Variants in FRAS1 observed in about 807,000 individuals in gnomAD.
FRAS1 encodes extracellular matrix organizing protein FRAS1.
Under a neutral mutation model 435.2 loss-of-function variants are expected in FRAS1, and 290 were observed. The ratio of observed to expected loss-of-function variants is 0.67; its 90% CI spans 0.61 to 0.73. FRAS1 has a LOEUF of 0.73. Ranked by LOEUF, FRAS1 falls within the 30% of genes least tolerant of loss-of-function variation. The pLI, the probability that FRAS1 is intolerant of heterozygous loss-of-function variation, is 0.00. For synonymous variants in FRAS1, 1,800 were observed against 1,851.0 expected, an observed-to-expected ratio of 0.97 and a Z score of 0.71; for missense variants, 4,860 against 5,001.5, an observed-to-expected ratio of 0.97 and a Z score of 0.85.
At chr4:78,384,957 T>C (rs1364071252) in intron 28 of FRAS1, among the ~76,000 whole-genome samples, 1 of 149,576 alleles carries the variant, frequency 6.7e-6, no homozygotes, top group Non-Finnish European at 1.5e-5. Context: ...GGTAAAGGAG[T>C]TTGTTTTATC....
At chr4:78,249,986 T>C (rs1041375455) in intron 4 of FRAS1, among the ~76,000 whole-genome samples, 2 of 152,154 alleles carry the variant, frequency 1.3e-5, no homozygotes, top group South Asian at 2.1e-4. Flanking sequence ...AGTTGTTCTA[T>C]ATAGTCTTTA....
chr4:78,408,659 T>C (rs2110354526), intron 31 of FRAS1, among the ~76,000 whole-genome samples: 1 of 152,332 alleles, frequency 6.6e-6, no homozygotes, highest in African/African-American at 2.4e-5. Context: ...TTCATTTTCC[T>C]TGTCTGTCAA....
intron 6 of FRAS1, among the ~76,000 whole-genome samples, chr4:78,262,013 A>G (rs1468944149): frequency 6.6e-6 from 1 of 152,182 alleles, no homozygotes; most frequent in African/African-American, 2.4e-5. Flanking sequence ...CACTGCTTGA[A>G]AGCTGCAAGG....
At chr4:78,248,313 T>C (rs973845350) in intron 4 of FRAS1, among the ~76,000 whole-genome samples, 5 of 152,234 alleles carry the variant, frequency 3.3e-5, no homozygotes, top group Non-Finnish European at 5.9e-5. Context: ...CAAATGCGTT[T>C]TAGAGTTGTT....
chr4:78,282,008 T>G (rs1296162094), intron 11 of FRAS1, among the ~76,000 whole-genome samples: 1 of 152,232 alleles, frequency 6.6e-6, no homozygotes, highest in East Asian at 1.9e-4. Flanking sequence ...TTTCTAACAC[T>G]TAATGTTCAT....
intron 2 of FRAS1, among the ~76,000 whole-genome samples, chr4:78,117,516 A>G (rs1009969148): frequency 4.6e-5 from 7 of 152,092 alleles, no homozygotes; most frequent in African/African-American, 4.8e-5. Flanking sequence ...TATTTCTTGG[A>G]GGCTTTGTTA....
At chr4:78,062,015 A>T (rs72654630) in intron 1 of FRAS1, among the ~76,000 whole-genome samples, 4,556 of 152,262 alleles carry the variant, frequency 0.03, 112 homozygotes, top group East Asian at 0.12. Context: ...TTCATCAATT[A>T]TATTTCCATT....
chr4:78,139,325 T>G (rs56187344), intron 2 of FRAS1, among the ~76,000 whole-genome samples: 15 of 107,294 alleles, frequency 1.4e-4, no homozygotes, highest in Admixed American at 5.1e-4. Flanking sequence ...TAGCAGACTA[T>G]TGATTGAGCA....
chr4:78,395,957 A>C (rs1732642356), intron 29 of FRAS1, among the ~76,000 whole-genome samples: 1 of 151,202 alleles, frequency 6.6e-6, no homozygotes, highest in African/African-American at 2.4e-5. Context: ...TGCCTTTGTG[A>C]TTTGATGATT....
At chr4:78,294,800 T>TTTGG (rs767858260) in intron 14 of FRAS1, among the ~76,000 whole-genome samples, 6 of 152,184 alleles carry the variant, frequency 3.9e-5, no homozygotes, top group Non-Finnish European at 8.8e-5. Flanking sequence ...CCCTCCATCA[T>TTTGG]TAGGAAAATT....
At chr4:78,214,208 A>G (rs921636887) in intron 2 of FRAS1, among the ~76,000 whole-genome samples, 3 of 152,160 alleles carry the variant, frequency 2.0e-5, no homozygotes, top group Non-Finnish European at 4.4e-5. Flanking sequence ...GTGTTCTATG[A>G]CTTGTTTAGG....
chr4:78,092,839 G>A (rs888204498), intron 2 of FRAS1, among the ~76,000 whole-genome samples: 1 of 152,198 alleles, frequency 6.6e-6, no homozygotes, highest in Admixed American at 6.5e-5. Flanking sequence ...GGTATTTGAA[G>A]ACTTCAGAGT....
At chr4:78,301,135 T>C (rs1300583371) in intron 14 of FRAS1, among the ~76,000 whole-genome samples, 1 of 152,146 alleles carries the variant, frequency 6.6e-6, no homozygotes, top group African/African-American at 2.4e-5. Context: ...ATTACTAAGG[T>C]AGGGTTACCA....
In FRAS1 at chr4:78,543,534, T is replaced by C. The variant is rs1048837619; in HGVS notation, c.*2410T>C. 3 of 152,172 alleles carry C rather than the reference T, an allele frequency of 2.0e-5. No homozygotes were observed. Among genetic ancestry groups the C allele is most frequent in the South Asian group, 4.1e-4 (2 of 4,830 alleles). The allele number at this position is 152,172 out of a possible 1,614,324, so 9.4% of individuals were successfully genotyped here. A position where few individuals can be genotyped will look rare whatever the true frequency, so the allele number is the denominator to read the frequency against. On this transcript the variant is annotated 3_prime_UTR_variant, in exon 74 of 74. Transcript: ENST00000512123. ...TGAAATGACAAGGGCAAGAGTGAGA[T>C]AGGAAACTGTGTGTGAAAGGAAAGC...
At chr4:78,268,669 C>A (rs888246850) in intron 9 of FRAS1, among the ~76,000 whole-genome samples, 2 of 152,192 alleles carry the variant, frequency 1.3e-5, no homozygotes, top group East Asian at 1.9e-4. Flanking sequence ...TAATTTCAGT[C>A]AGATCTGAAC....
At chr4:78,463,870 TA>T in intron 47 of FRAS1, 150 bp from the exon 48 acceptor site, 1 of 830,496 alleles carries the variant, frequency 1.2e-6, no homozygotes, top group Non-Finnish European at 1.9e-6. Context: ...CAAACAACTC[TA>T]ACAACAAGGT....
At chr4:78,337,876 T>C in intron 20 of FRAS1, 59 bp downstream of exon 20, 1 of 1,579,758 alleles carries the variant, frequency 6.3e-7, no homozygotes, top group East Asian at 2.2e-5. Context: ...GGGCTCTTCA[T>C]ACCAGGCTTA....
intron 1 of FRAS1, among the ~76,000 whole-genome samples, chr4:78,065,081 T>TATATATATATACACAC (rs762909923): frequency 4.0e-5 from 5 of 125,696 alleles, no homozygotes; most frequent in African/African-American, 1.5e-4. Context: ...TATATATATA[T>TATATATATATACACAC]ATACATACAC....
At chr4:78,258,772 T>C (rs1398061211) in intron 6 of FRAS1, among the ~76,000 whole-genome samples, 5 of 148,646 alleles carry the variant, frequency 3.4e-5, no homozygotes, top group South Asian at 2.2e-4. Flanking sequence ...TAGTTACATA[T>C]GTATACATGT....
Sources: gnomAD v4.1 joint callset for allele counts (sites outside exome capture counted in the v4.1 genomes callset) on GRCh38, gnomAD v4.1.1 for gene constraint, MANE v1.5 for transcripts, NCBI Gene and HGNC (gene_info 2026-07-23, HGNC 2026-07-21) for gene names.